The following POU2AF3 variants were observed in gnomAD, a reference collection of about 807,000 sequenced individuals.
POU2AF3 encodes the protein cancer susceptibility candidate 13.
chr11:111,307,420 G>A, the POU2AF3 span, among the ~76,000 whole-genome samples: 11,243 of 152,198 alleles, frequency 0.074, 549 homozygotes, highest in Middle Eastern at 0.18. Flanking sequence ...TAGAGCGGAT[G>A]GGAAATTAAC....
At chr11:111,300,328 C>A in the POU2AF3 span, 2 of 340,548 alleles carry the variant, frequency 5.9e-6, no homozygotes, top group Admixed American at 9.6e-5. Context: ...CCTACTGGGG[C>A]TCTGAAACCT....
chr11:111,299,100 G>A, the POU2AF3 span: 5 of 971,764 alleles, frequency 5.1e-6, no homozygotes, highest in Non-Finnish European at 4.9e-6. Context: ...TGGGCCCTGC[G>A]GGCGGGGCAC....
At chr11:111,306,581 A>G in the POU2AF3 span, 2 of 1,551,772 alleles carry the variant, frequency 1.3e-6, no homozygotes, top group Non-Finnish European at 1.7e-6. Flanking sequence ...ACCATTTCCC[A>G]GACAGCTTCC....
the POU2AF3 span, among the ~76,000 whole-genome samples, chr11:111,305,464 C>G: frequency 1.3e-5 from 2 of 152,158 alleles, no homozygotes; most frequent in Non-Finnish European, 2.9e-5. Flanking sequence ...AAGAATAACT[C>G]GATTACATAA....
chr11:111,306,503 C>G, the POU2AF3 span: 2 of 1,541,276 alleles, frequency 1.3e-6, no homozygotes, highest in East Asian at 2.5e-5. Flanking sequence ...TCGACCAGAT[C>G]TTTGATTCCT....
chr11:111,307,625 ACT>A, the POU2AF3 span, among the ~76,000 whole-genome samples: 1 of 152,222 alleles, frequency 6.6e-6, no homozygotes, highest in Non-Finnish European at 1.5e-5. Flanking sequence ...TGCCAGGGAT[ACT>A]CCAAGATCCT....
chr11:111,306,122 T>C, the POU2AF3 span, among the ~76,000 whole-genome samples: 1 of 152,212 alleles, frequency 6.6e-6, no homozygotes, highest in Non-Finnish European at 1.5e-5. Context: ...TATTTGACTG[T>C]GACACTTGGA....
the POU2AF3 span, among the ~76,000 whole-genome samples, chr11:111,302,189 G>A: frequency 6.6e-5 from 10 of 152,182 alleles, no homozygotes; most frequent in Non-Finnish European, 1.2e-4. Context: ...GCTAAAAGTA[G>A]GACTAAGGTC....
At chr11:111,303,051 A>G in the POU2AF3 span, among the ~76,000 whole-genome samples, 1 of 152,250 alleles carries the variant, frequency 6.6e-6, no homozygotes, top group Non-Finnish European at 1.5e-5. Flanking sequence ...TTTGTTATAA[A>G]GTCAGTGTAG....
chr11:111,302,050 T>C, the POU2AF3 span, among the ~76,000 whole-genome samples: 8 of 152,232 alleles, frequency 5.3e-5, no homozygotes, highest in African/African-American at 1.7e-4. Flanking sequence ...CAGTGGTTCT[T>C]CTTTTAAAGC....
the POU2AF3 span, among the ~76,000 whole-genome samples, chr11:111,301,551 G>T: frequency 6.6e-6 from 1 of 152,100 alleles, no homozygotes; most frequent in Admixed American, 6.5e-5. Context: ...CTTTGACAGC[G>T]GGACTTCTTG....
the POU2AF3 span, chr11:111,299,391 C>A: frequency 1.0e-6 from 1 of 1,000,820 alleles, no homozygotes; most frequent in Non-Finnish European, 1.2e-6. Context: ...GCCACCTCCA[C>A]CTTGAAAGCT....
chr11:111,306,345 T>C, the POU2AF3 span: 1 of 1,084,906 alleles, frequency 9.2e-7, no homozygotes, highest in Non-Finnish European at 1.3e-6. Flanking sequence ...TTCAAATCTG[T>C]GTTTTGCAAT....
the POU2AF3 span, chr11:111,299,579 CG>C: frequency 3.3e-6 from 4 of 1,216,046 alleles, no homozygotes; most frequent in Non-Finnish European, 4.1e-6. Flanking sequence ...CCGCCAGCCC[CG>C]GGGCGGCCCC....
the POU2AF3 span, chr11:111,308,356 C>T: frequency 6.4e-7 from 1 of 1,551,738 alleles, no homozygotes; most frequent in Non-Finnish European, 8.7e-7. Context: ...CGAGCACAGA[C>T]TGTGTGGACT....
chr11:111,302,766 G>C, the POU2AF3 span, among the ~76,000 whole-genome samples: 1 of 152,124 alleles, frequency 6.6e-6, no homozygotes, highest in Non-Finnish European at 1.5e-5. Context: ...GGTTTAACAC[G>C]CATATAATTT....
the POU2AF3 span, chr11:111,300,396 A>C: frequency 2.6e-6 from 1 of 378,728 alleles, no homozygotes; most frequent in Non-Finnish European, 4.6e-6. Context: ...CCATCCTTTG[A>C]CATTTTTTGT....
At chr11:111,307,603 C>T in the POU2AF3 span, among the ~76,000 whole-genome samples, 1 of 152,204 alleles carries the variant, frequency 6.6e-6, no homozygotes, top group Non-Finnish European at 1.5e-5. Context: ...GGTAGTGACA[C>T]ATCTTGGCAT....
At chr11:111,308,014 C>G in the POU2AF3 span, 47 of 1,442,486 alleles carry the variant, frequency 3.3e-5, no homozygotes, top group Non-Finnish European at 3.8e-5. Context: ...CTGTTCAGTT[C>G]TTTGATCCTG....
Sources: gnomAD v4.1 joint callset for allele counts (sites outside exome capture counted in the v4.1 genomes callset) on GRCh38, gnomAD v4.1.1 for gene constraint, MANE v1.5 for transcripts, NCBI Gene and HGNC (gene_info 2026-07-23, HGNC 2026-07-21) for gene names.